The following ASCC1 variants were observed in gnomAD, a reference collection of about 807,000 sequenced individuals.
ASCC1 encodes activating signal cointegrator 1 complex subunit 1.
ASCC1 carries 35 observed loss-of-function variants against 46.6 expected under a neutral mutation model. That is an observed-to-expected ratio of 0.75 (90% CI 0.57 to 0.99). The LOEUF (loss-of-function observed/expected upper bound fraction) is 0.99, where lower values mean the gene tolerates loss of function less well. Among genes scored for constraint, ASCC1 ranks in the 50% least tolerant of loss-of-function variants. The pLI is 0.00. For missense variants in ASCC1, 376 were observed against 428.7 expected (o/e 0.88, Z 1.09); for synonymous variants, 143 against 146.6 (o/e 0.98, Z 0.18).
rs1304407122 is a variant in ASCC1, at chr10:72,199,108, C to T, written c.311-2119G>A. On this transcript the variant is annotated intron_variant, in intron 4 of 9. Coordinates refer to ENST00000672957, the MANE Select transcript of ASCC1 (RefSeq NM_001198800.3). ...AGGATTACAGGTGTGAGCCACCACA[C>T]CCAGCTAATTTTGTATGTTTATTTT... Among the ~76,000 whole-genome samples the T allele has an allele frequency of 2.0e-5, 3 of 150,888 alleles. No homozygotes were observed. In the South Asian group the frequency reaches 6.3e-4, roughly 32 times the overall value.
chr10:72,190,629 G>A (rs1379306644), intron 5 of ASCC1: 7 of 862,538 alleles, frequency 8.1e-6, no homozygotes, highest in Non-Finnish European at 1.2e-5. Flanking sequence ...AGACAGTCAT[G>A]TGTGCTTACA....
chr10:72,179,847 C>T (rs1363777465), intron 5 of ASCC1, among the ~76,000 whole-genome samples: 1 of 151,922 alleles, frequency 6.6e-6, no homozygotes, highest in Non-Finnish European at 1.5e-5. Context: ...TTATAGATTA[C>T]TAGCAGAAAA....
intron 9 of ASCC1, among the ~76,000 whole-genome samples, chr10:72,114,469 C>A (rs1056173624): frequency 6.6e-6 from 1 of 151,924 alleles, no homozygotes; most frequent in African/African-American, 2.4e-5. Context: ...ACTAAAAATA[C>A]AAAATATTAG....
intron 5 of ASCC1, among the ~76,000 whole-genome samples, chr10:72,165,339 C>T (rs975364017): frequency 2.0e-5 from 3 of 152,194 alleles, no homozygotes; most frequent in Non-Finnish European, 4.4e-5. Flanking sequence ...TGGTCCCAAA[C>T]TCCTGACCTC....
rs1855298594 is a variant in ASCC1, at chr10:72,195,646, C to A, written c.489+1165G>T. ...AGGAGTTCGAGACTGACCAGCCTGA[C>A]CAACATGGAGAAACCCTGTCTCTAC... On this transcript the variant is annotated intron_variant, in intron 5 of 9. Transcript: ENST00000672957. 2.0e-5 allele frequency among the ~76,000 whole-genome samples: 3 copies of A among 151,376 alleles called. No individual in the cohort carries two copies. The South Asian group carries it at 6.2e-4, about 31-fold the overall frequency.
chr10:72,203,286 C>CAA lies in ASCC1; in HGVS notation c.310+139_310+140dup, dbSNP rs372727374. On this transcript the variant is annotated intron_variant, in intron 4 of 9. Transcript: ENST00000672957. Reference sequence around the variant, plus strand: ...GGGTAACAAGGGCAAAACTCCGTCTCAAAAAAAAAAAAAAAGAAAAGAAAA... The same window carrying CAA: ...GGGTAACAAGGGCAAAACTCCGTCTCAAAAAAAAAAAAAAAAAGAAAAGAAAA... 4,645 of 564,432 alleles carry CAA rather than the reference C, an allele frequency of 8.2e-3. 11 individuals are homozygous for CAA. Among genetic ancestry groups the CAA allele is most frequent in the African/African-American group, 0.041 (1,702 of 41,958 alleles). The allele number at this position is 564,432 out of a possible 1,614,324, so 35.0% of individuals were successfully genotyped here. A position where few individuals can be genotyped will look rare whatever the true frequency, so the allele number is the denominator to read the frequency against.
At chr10:72,120,341 T>C (rs1844046855) in intron 9 of ASCC1, among the ~76,000 whole-genome samples, 1 of 152,018 alleles carries the variant, frequency 6.6e-6, no homozygotes, top group Non-Finnish European at 1.5e-5. Flanking sequence ...TCTCTGAGCT[T>C]GAGGATATGA....
At chr10:72,097,563 A>C in intron 9 of ASCC1, 113 bp from the exon 10 acceptor site, 1 of 682,684 alleles carries the variant, frequency 1.5e-6, no homozygotes, top group Admixed American at 2.2e-5. Flanking sequence ...CAAATCTCTC[A>C]TGCTTTTTCT....
chr10:72,191,075 T>C (rs1049159353), intron 5 of ASCC1, among the ~76,000 whole-genome samples: 27 of 150,686 alleles, frequency 1.8e-4, no homozygotes, highest in African/African-American at 6.6e-4. Context: ...TCTTTTTTTT[T>C]GAGACAGAGT....
rs1564739526 is a variant in ASCC1 at position 72,196,799 on chromosome 10, GTT to G, written c.489+10_489+11del. Reference sequence around the variant, plus strand: ...ACTTTTTTTTTAACCTTCTTGCTTTGTTTGCACTTACCATGGAGCACTTCGCC... The same window carrying G: ...ACTTTTTTTTTAACCTTCTTGCTTTGTGCACTTACCATGGAGCACTTCGCC... On this transcript the variant is annotated intron_variant, in intron 5 of 9. Transcript: ENST00000672957. The G allele has an allele frequency of 6.2e-7, 1 of 1,609,924 alleles. No homozygotes were observed. Among genetic ancestry groups the G allele is most frequent in the East Asian group, 2.2e-5 (1 of 44,806 alleles).
chr10:72,201,935 AAAAAT>A (rs1218267572), intron 4 of ASCC1, among the ~76,000 whole-genome samples: 19 of 151,648 alleles, frequency 1.3e-4, no homozygotes, highest in African/African-American at 3.6e-4. Context: ...CTCTGTCTCC[AAAAAT>A]AAAATAAAAT....
At chr10:72,190,527 G>T (rs1302985476) in intron 5 of ASCC1, 2 of 1,561,696 alleles carry the variant, frequency 1.3e-6, no homozygotes, top group African/African-American at 2.7e-5. Context: ...GGTTCTCGCA[G>T]GGCAGCTTGG....
chr10:72,212,213 T>C, intron 2 of ASCC1: 1 of 183,818 alleles, frequency 5.4e-6, no homozygotes, highest in South Asian at 7.3e-5. Context: ...CTGGGGAAGA[T>C]GAGGCAGGAG....
At chr10:72,102,922 C>T (rs1279281122) in intron 9 of ASCC1, 7 of 437,406 alleles carry the variant, frequency 1.6e-5, no homozygotes, top group Admixed American at 7.6e-5. Context: ...TTGCAGTGAG[C>T]GGAGATTGCA....
chr10:72,198,665 T>G (rs1856008790), intron 4 of ASCC1: 1 of 455,984 alleles, frequency 2.2e-6, no homozygotes, highest in Non-Finnish European at 4.4e-6. Context: ...CTCTGATTTC[T>G]CTAATTTAGG....
intron 7 of ASCC1, among the ~76,000 whole-genome samples, chr10:72,135,994 C>G (rs536887277): frequency 6.6e-6 from 1 of 152,094 alleles, no homozygotes; most frequent in Non-Finnish European, 1.5e-5. Context: ...CCATAGGAAA[C>G]CGAGGGTTGT....
chr10:72,134,014 C>A (rs1453526408), intron 7 of ASCC1: 1 of 152,324 alleles, frequency 6.6e-6, no homozygotes, highest in Non-Finnish European at 1.5e-5. Flanking sequence ...GGTGCAGTGG[C>A]TCATGTCTGT....
At chr10:72,124,723 C>CTTTTTTTTTTTT (rs34682603) in intron 9 of ASCC1, among the ~76,000 whole-genome samples, 6 of 118,654 alleles carry the variant, frequency 5.1e-5, no homozygotes, top group African/African-American at 1.0e-4. Flanking sequence ...CAAACAACAT[C>CTTTTTTTTTTTT]TTTTTTTTTT....
At chr10:72,210,050 T>C (rs1308940393) in intron 3 of ASCC1, among the ~76,000 whole-genome samples, 1 of 152,112 alleles carries the variant, frequency 6.6e-6, no homozygotes, top group Non-Finnish European at 1.5e-5. Context: ...GTGACATGCC[T>C]GCTCCCACTT....
Sources: gnomAD v4.1 joint callset for allele counts (sites outside exome capture counted in the v4.1 genomes callset) on GRCh38, gnomAD v4.1.1 for gene constraint, MANE v1.5 for transcripts, NCBI Gene and HGNC (gene_info 2026-07-23, HGNC 2026-07-21) for gene names.